The following GSN variants were observed in gnomAD, a reference collection of about 807,000 sequenced individuals.
GSN encodes gelsolin, also known as actin-depolymerizing factor.
A neutral mutation model predicts 85.7 loss-of-function variants in GSN; 56 were observed. That is an observed-to-expected ratio of 0.65 (90% CI 0.53 to 0.82). The LOEUF (loss-of-function observed/expected upper bound fraction) is 0.82. Among genes scored for constraint, GSN ranks in the 40% least tolerant of loss-of-function variants. The pLI, the probability that GSN is intolerant of heterozygous loss-of-function variation, is 0.00. For missense variants in GSN, 857 were observed against 979.8 expected (o/e 0.87, Z 1.67); for synonymous variants, 373 against 399.1 (o/e 0.93, Z 0.78).
chr9:121,238,285 C>G (rs961328061), intron 5 of GSN: 34 of 152,488 alleles, frequency 2.2e-4, no homozygotes, highest in African/African-American at 8.2e-4. Flanking sequence ...GAGACCCACC[C>G]TCAATCTGGG....
At chr9:121,300,619 C>T (rs1405976923) in intron 2 of GSN, among the ~76,000 whole-genome samples, 70 of 152,130 alleles carry the variant, frequency 4.6e-4, no homozygotes, top group Non-Finnish European at 5.1e-4. Flanking sequence ...TTTTTGTCCT[C>T]GACTCCAGCC....
chr9:121,204,307 C>T (rs987088535), upstream of GSN, among the ~76,000 whole-genome samples: 7 of 152,190 alleles, frequency 4.6e-5, no homozygotes, highest in Non-Finnish European at 1.0e-4. Flanking sequence ...CAACATGTGA[C>T]CTCAGGGCTG....
At position 121,332,834 on chromosome 9, in the gene GSN, T is replaced by C. The variant is rs2064109917; in HGVS notation, c.*231T>C. The stretch of plus-strand genomic sequence containing the variant: ...GAAATTAAATCCAATAAAAACATTT[T>C]GAAGTGTGTACTCTAGTGTGGCTCG... On this transcript the variant is annotated 3_prime_UTR_variant, in exon 18 of 18. Transcript: ENST00000432226. The surrounding 1 kb of genome is among the most constrained non-coding windows in gnomAD (Gnocchi z 4.8). The C allele has an allele frequency of 1.8e-6, 1 of 559,258 alleles. No individual in the cohort carries two copies. The highest frequency in any genetic ancestry group is 3.2e-6 in the Non-Finnish European group (1 of 313,144). 34.6% of individuals were successfully genotyped at this position (559,258 alleles called of 1,614,324 possible). A position where few individuals can be genotyped will look rare whatever the true frequency, so the allele number is the denominator to read the frequency against.
At position 121,289,463 on chromosome 9, in the gene GSN, G is replaced by A. The variant is rs1367295728; in HGVS notation, c.-10+7901G>A. Among the ~76,000 whole-genome samples, 7 of 152,200 alleles carry A rather than the reference G, an allele frequency of 4.6e-5. No homozygotes were observed. The East Asian group carries it at 1.2e-3, about 25-fold the overall frequency. On this transcript the variant is annotated intron_variant, in intron 2 of 17. Coordinates refer to ENST00000432226, the MANE Select transcript of GSN (RefSeq NM_198252.3). ...GCCTGCTGGTGCTGGCTGTGAGCAC[G>A]TCTGCATTCCAGAGCTTAGGAGAGA...
At chr9:121,243,719 A>G (rs984914511) in intron 5 of GSN, among the ~76,000 whole-genome samples, 1 of 152,198 alleles carries the variant, frequency 6.6e-6, no homozygotes, top group Non-Finnish European at 1.5e-5. Flanking sequence ...CTGGGATTAC[A>G]GGTGTGCACC....
chr9:121,266,833 A>G (rs1198275502), upstream of GSN, among the ~76,000 whole-genome samples: 1 of 152,190 alleles, frequency 6.6e-6, no homozygotes, highest in East Asian at 1.9e-4. Context: ...TCTTGTATTT[A>G]CTGGTGTTGA....
intron 16 of GSN, among the ~76,000 whole-genome samples, chr9:121,330,155 G>C (rs143391157): frequency 8.4e-4 from 128 of 152,340 alleles, no homozygotes; most frequent in African/African-American, 3.0e-3. Flanking sequence ...GATTCAGTCA[G>C]CCAACATTTA....
rs143287462 is a variant in GSN at position 121,304,038 on chromosome 9, A to G, written c.351+973A>G. Reference sequence around the variant, plus strand: ...AGCATTCTTTCCACTAAACCAACATACCTCTAATGACCAGGGTCCTAGGGT... The same window carrying G: ...AGCATTCTTTCCACTAAACCAACATGCCTCTAATGACCAGGGTCCTAGGGT... On this transcript the variant is annotated intron_variant, in intron 4 of 17. Coordinates refer to ENST00000432226, the MANE Select transcript of GSN (RefSeq NM_198252.3). 6.6e-5 allele frequency among the ~76,000 whole-genome samples: 10 copies of G among 152,186 alleles called. No individual in the cohort carries two copies. The East Asian group carries it at 1.9e-3, about 29-fold the overall frequency.
intron 6 of GSN, among the ~76,000 whole-genome samples, chr9:121,262,034 A>G (rs569336037): frequency 6.6e-6 from 1 of 152,282 alleles, no homozygotes; most frequent in South Asian, 2.1e-4. Flanking sequence ...GCAGTTCACA[A>G]TCTTTCTGAG....
chr9:121,214,710 C>G (rs1016673810), intron 4 of GSN, among the ~76,000 whole-genome samples: 1 of 152,170 alleles, frequency 6.6e-6, no homozygotes, highest in Non-Finnish European at 1.5e-5. Context: ...CAAGGTCTCA[C>G]GAGCTAACCC....
chr9:121,266,124 C>A (rs1007264421), upstream of GSN, among the ~76,000 whole-genome samples: 2 of 152,202 alleles, frequency 1.3e-5, no homozygotes, highest in Non-Finnish European at 2.9e-5. Flanking sequence ...TATGGGTAGG[C>A]ATCTGACCCA....
At chr9:121,246,277 A>G (rs1223032324) in intron 5 of GSN, among the ~76,000 whole-genome samples, 4 of 152,100 alleles carry the variant, frequency 2.6e-5, no homozygotes, top group African/African-American at 4.8e-5. Context: ...TTTTTTTTAA[A>G]AAGGAGATGT....
chr9:121,284,985 G>A (rs2057897615), intron 2 of GSN: 1 of 167,208 alleles, frequency 6.0e-6, no homozygotes, highest in African/African-American at 2.4e-5. Flanking sequence ...CGGCCAGCCT[G>A]AGCTGTCCAG....
At chr9:121,331,885 C>G (rs766480781) in intron 17 of GSN, 1 of 192,776 alleles carries the variant, frequency 5.2e-6, no homozygotes, top group Admixed American at 5.3e-5. Flanking sequence ...GAAACCTCAT[C>G]TCTAGAAAAA....
intron 5 of GSN, among the ~76,000 whole-genome samples, chr9:121,236,422 G>A (rs939392789): frequency 4.6e-5 from 7 of 152,048 alleles, no homozygotes; most frequent in South Asian, 2.1e-4. Context: ...GTTTCACCAC[G>A]TTGGCTGGTC....
At chr9:121,304,976 G>C (rs2060253214) in intron 4 of GSN, among the ~76,000 whole-genome samples, 1 of 152,196 alleles carries the variant, frequency 6.6e-6, no homozygotes, top group South Asian at 2.1e-4. Context: ...GCTCAGCTCT[G>C]AGAGGGGTTC....
rs755904287 is a variant in GSN, at chr9:121,318,725, C to T, written c.1036C>T (p.Arg346Trp). ...PLFKQFFKNWRDPDQTDGLGL... is the reference protein window; with the variant it reads ...PLFKQFFKNWWDPDQTDGLGL... ...GTTCAAGCAGTTCTTCAAGAACTGG[C>T]GGGACCCAGACCAGACAGATGGCCT... Residue 346 changes from arginine to tryptophan, a missense_variant, in exon 10 of 18, where the codon CGG becomes TGG. By Grantham distance (101) the Arg-to-Trp change is moderately radical (BLOSUM62 -3). Transcript: ENST00000432226. This position sits in a 1 kb window ranked among gnomAD's most constrained non-coding sequence, Gnocchi z 4.3. 7.4e-6 allele frequency: 12 copies of T among 1,613,706 alleles called. No individual in the cohort carries two copies. Among genetic ancestry groups the T allele is most frequent in the East Asian group, 4.5e-5 (2 of 44,890 alleles).
intron 6 of GSN, among the ~76,000 whole-genome samples, chr9:121,262,245 G>T (rs2055102492): frequency 6.6e-6 from 1 of 152,170 alleles, no homozygotes; most frequent in Non-Finnish European, 1.5e-5. Flanking sequence ...TTTCACTCTG[G>T]CTATAGAAAG....
chr9:121,204,286 C>T (rs1182354172), upstream of GSN, among the ~76,000 whole-genome samples: 1 of 152,220 alleles, frequency 6.6e-6, no homozygotes, highest in Non-Finnish European at 1.5e-5. Context: ...TTGGGTGGGA[C>T]TTAAATCTGG....
Sources: gnomAD v4.1 joint callset for allele counts (sites outside exome capture counted in the v4.1 genomes callset) on GRCh38, gnomAD v4.1.1 for gene constraint, Gnocchi (gnomAD v3.1) non-coding constraint, MANE v1.5 for transcripts, NCBI Gene and HGNC (gene_info 2026-07-23, HGNC 2026-07-21) for gene names.